Variants in SH2D4B observed in about 807,000 individuals in gnomAD.
SH2D4B encodes SH2 domain containing 4B, also known as SH2 domain-containing protein 4B.
In SH2D4B, 45 loss-of-function variants were observed where a neutral mutation model predicts 61.5. That is an observed-to-expected ratio of 0.73 (90% confidence interval 0.58 to 0.94). SH2D4B has a LOEUF of 0.94. Among genes scored for constraint, SH2D4B ranks in the 40% least tolerant of loss-of-function variants. The pLI is 0.00. For synonymous variants in SH2D4B, 224 were observed against 220.4 expected (o/e 1.02, Z -0.14); for missense variants, 572 against 574.2 (o/e 1.00, Z 0.04).
In SH2D4B at chr10:80,538,627, T is replaced by A. The variant is rs1199774480; in HGVS notation, c.184+112T>A. Reference sequence around the variant, plus strand: ...AGATGGGCACTGGGGTGATGAGGGCTGGGGGCTTGAAACCCTTGTCTTGTG... The same window carrying A: ...AGATGGGCACTGGGGTGATGAGGGCAGGGGGCTTGAAACCCTTGTCTTGTG... On this transcript the variant is annotated intron_variant, in intron 1 of 7. Transcript: ENST00000646907. The surrounding 1 kb of genome is among the most constrained non-coding windows in gnomAD (Gnocchi z 4.8). 1.1e-6 allele frequency: 1 copy of A among 939,590 alleles called. No homozygotes were observed. Among genetic ancestry groups the A allele is most frequent in the Non-Finnish European group, 1.4e-6 (1 of 701,460 alleles). 58.2% of individuals were successfully genotyped at this position (939,590 alleles called of 1,614,324 possible). A position where few individuals can be genotyped will look rare whatever the true frequency, so the allele number is the denominator to read the frequency against.
intron 7 of SH2D4B, among the ~76,000 whole-genome samples, chr10:80,636,906 G>T (rs1251077569): frequency 6.6e-6 from 1 of 152,156 alleles, no homozygotes; most frequent in Non-Finnish European, 1.5e-5. Flanking sequence ...TTCTTCTAGG[G>T]TTTTTATGGT....
At chr10:80,554,632 G>T (rs1405645183) in intron 1 of SH2D4B, among the ~76,000 whole-genome samples, 1 of 152,006 alleles carries the variant, frequency 6.6e-6, no homozygotes, top group Non-Finnish European at 1.5e-5. Flanking sequence ...TGCTCTTAAG[G>T]CTTTTAACTG....
chr10:80,586,398 C>A (rs1053397297), intron 3 of SH2D4B, among the ~76,000 whole-genome samples: 1 of 138,762 alleles, frequency 7.2e-6, no homozygotes, highest in South Asian at 2.2e-4. Context: ...ATACACCAAT[C>A]GGCACTCTGT....
chr10:80,613,902 G>A (rs998101166), intron 6 of SH2D4B, among the ~76,000 whole-genome samples: 6 of 152,304 alleles, frequency 3.9e-5, no homozygotes, highest in East Asian at 3.9e-4. Context: ...AGACTCCTCC[G>A]GATTGCTGTT....
chr10:80,594,796 C>T (rs975341346), intron 4 of SH2D4B, among the ~76,000 whole-genome samples: 5 of 152,242 alleles, frequency 3.3e-5, no homozygotes, highest in African/African-American at 1.2e-4. Context: ...AGAGGATTTT[C>T]AGAGGACCTT....
chr10:80,578,462 C>CATT (rs1842151349), intron 3 of SH2D4B, among the ~76,000 whole-genome samples: 1 of 152,032 alleles, frequency 6.6e-6, no homozygotes, highest in Admixed American at 6.6e-5. Flanking sequence ...TAGTGCCAAC[C>CATT]ACACCCCGGG....
At chr10:80,606,491 C>T (rs748147419) in intron 5 of SH2D4B, among the ~76,000 whole-genome samples, 101 of 151,998 alleles carry the variant, frequency 6.6e-4, no homozygotes, top group East Asian at 2.1e-3. Flanking sequence ...GGATTACAGG[C>T]GCGCGCCAGT....
chr10:80,609,984 C>T (rs1299592125), intron 6 of SH2D4B, among the ~76,000 whole-genome samples: 1 of 152,206 alleles, frequency 6.6e-6, no homozygotes, highest in Admixed American at 6.5e-5. Context: ...AGGTCAGTGT[C>T]ACCCAAACAT....
At chr10:80,599,074 CGTG>C (rs1239482383) in intron 4 of SH2D4B, among the ~76,000 whole-genome samples, 5 of 152,064 alleles carry the variant, frequency 3.3e-5, no homozygotes, top group Admixed American at 3.3e-4. Flanking sequence ...GAGTGGGAAA[CGTG>C]GGCTCAGGCC....
At chr10:80,634,908 T>C (rs563338501) in intron 7 of SH2D4B, among the ~76,000 whole-genome samples, 69 of 152,320 alleles carry the variant, frequency 4.5e-4, no homozygotes, top group African/African-American at 1.6e-3. Context: ...GAGAGTTAGC[T>C]GAAGTGCAGT....
At chr10:80,567,878 G>A (rs74143174) in intron 1 of SH2D4B, among the ~76,000 whole-genome samples, 7,212 of 152,236 alleles carry the variant, frequency 0.047, 528 homozygotes, top group African/African-American at 0.16. Context: ...GGCCATTTAA[G>A]TCATGAACAA....
intron 1 of SH2D4B, among the ~76,000 whole-genome samples, chr10:80,565,232 T>C (rs1024373166): frequency 2.0e-5 from 3 of 152,164 alleles, no homozygotes; most frequent in Non-Finnish European, 4.4e-5. Context: ...AACAGAGTCC[T>C]TCTCAGGCCA....
At chr10:80,615,730 T>C (rs1004058573) in intron 6 of SH2D4B, among the ~76,000 whole-genome samples, 5 of 152,156 alleles carry the variant, frequency 3.3e-5, no homozygotes, top group Admixed American at 1.3e-4. Flanking sequence ...CTGGTGAAGA[T>C]TTGGAATCTG....
At chr10:80,546,526 A>AT (rs61475653) in intron 1 of SH2D4B, among the ~76,000 whole-genome samples, 12,245 of 138,360 alleles carry the variant, frequency 0.089, 765 homozygotes, top group Non-Finnish European at 0.13. Flanking sequence ...AGCATACGGT[A>AT]TTTTTTTTTT....
intron 4 of SH2D4B, among the ~76,000 whole-genome samples, chr10:80,590,888 C>T (rs1842317648): frequency 6.6e-6 from 1 of 151,828 alleles, no homozygotes; most frequent in Non-Finnish European, 1.5e-5. Context: ...CACCATATCC[C>T]TGGAAGTTAC....
chr10:80,608,309 G>A (rs1842544626), intron 5 of SH2D4B, among the ~76,000 whole-genome samples: 1 of 152,110 alleles, frequency 6.6e-6, no homozygotes, highest in South Asian at 2.1e-4. Flanking sequence ...GGAGGAGGAG[G>A]GGCACGGGAA....
chr10:80,602,494 A>G (rs1410319885), intron 4 of SH2D4B, among the ~76,000 whole-genome samples: 2 of 152,138 alleles, frequency 1.3e-5, no homozygotes, highest in African/African-American at 4.8e-5. Flanking sequence ...CTATTAATAT[A>G]TGTGTATGTG....
rs181568525 is a variant in SH2D4B, at chr10:80,584,291, A to G, written c.496-4339A>G. On this transcript the variant is annotated intron_variant, in intron 3 of 7. Coordinates refer to ENST00000646907, the MANE Select transcript of SH2D4B (RefSeq NM_001388272.1). ...TGGATGGAGAGGAGGCTTAGGTGGT[A>G]ACCAGTGCAGATGGGAGAAGAAAAG... is the stretch of plus-strand genomic sequence containing the variant. 3.3e-5 allele frequency among the ~76,000 whole-genome samples: 5 copies of G among 152,352 alleles called. No homozygotes were observed. In the East Asian group the frequency reaches 9.6e-4, roughly 29 times the overall value.
chr10:80,640,910 C>T (rs571204740), intron 7 of SH2D4B, among the ~76,000 whole-genome samples: 1 of 152,216 alleles, frequency 6.6e-6, no homozygotes, highest in Non-Finnish European at 1.5e-5. Context: ...GCTCTGGTTT[C>T]TCCCCATCTT....
Sources: allele counts gnomAD v4.1 joint callset (sites outside exome capture counted in the v4.1 genomes callset), GRCh38; gene constraint gnomAD v4.1.1; non-coding constraint Gnocchi (gnomAD v3.1); transcripts MANE v1.5; gene names NCBI Gene and HGNC (gene_info 2026-07-23, HGNC 2026-07-21).